The following NCKAP5 variants were observed in gnomAD, a reference collection of about 807,000 sequenced individuals.
The protein encoded by NCKAP5 is nck-associated protein 5.
Under a neutral mutation model 167.0 loss-of-function variants are expected in NCKAP5, and 92 were observed. That is an observed-to-expected ratio of 0.55 (90% CI 0.47 to 0.66). The LOEUF is 0.66. Ranked by LOEUF, NCKAP5 falls within the 30% of genes least tolerant of loss-of-function variation. The pLI, the probability that NCKAP5 is intolerant of heterozygous loss-of-function variation, is 0.00. For missense variants in NCKAP5, 2,378 were observed against 2,315.0 expected (o/e 1.03, Z -0.56); for synonymous variants, 891 against 877.4 (o/e 1.02, Z -0.27).
chr2:132,846,222 A>G (rs1222351178), intron 11 of NCKAP5, among the ~76,000 whole-genome samples: 3 of 152,220 alleles, frequency 2.0e-5, no homozygotes, highest in African/African-American at 7.2e-5. Context: ...ATCAGTAATA[A>G]GTATTTAATT....
chr2:133,385,622 G>A (rs1294356378), intron 3 of NCKAP5, among the ~76,000 whole-genome samples: 1 of 152,182 alleles, frequency 6.6e-6, no homozygotes, highest in Non-Finnish European at 1.5e-5. Context: ...AGAAGGAATG[G>A]TACCAGCCCC....
intron 6 of NCKAP5, among the ~76,000 whole-genome samples, chr2:133,112,405 C>T (rs546770014): frequency 4.6e-5 from 7 of 151,844 alleles, no homozygotes; most frequent in East Asian, 3.9e-4. Flanking sequence ...ACCCGGGAGG[C>T]GGAGCTTGCA....
chr2:133,194,056 A>G (rs2085337986), intron 5 of NCKAP5, among the ~76,000 whole-genome samples: 2 of 152,154 alleles, frequency 1.3e-5, no homozygotes, highest in Non-Finnish European at 1.5e-5. Flanking sequence ...GCATATGCGT[A>G]TACATGCATA....
chr2:133,425,453 A>G (rs1689733820), intron 3 of NCKAP5, among the ~76,000 whole-genome samples: 1 of 152,176 alleles, frequency 6.6e-6, no homozygotes, highest in Admixed American at 6.5e-5. Flanking sequence ...AAAATGAGGG[A>G]ATAAAAGATT....
intron 1 of NCKAP5, among the ~76,000 whole-genome samples, chr2:133,561,643 T>C (rs1320110842): frequency 3.3e-5 from 5 of 152,204 alleles, no homozygotes; most frequent in Non-Finnish European, 7.3e-5. Flanking sequence ...TAACTGGCTG[T>C]AATGAGAATA....
rs1687972883 is a variant in NCKAP5 at position 133,559,066 on chromosome 2, T to C, written c.-78A>G. ...ACTACTTACATGTATTGTGAGTCTA[T>C]TTTGGTACAGGCACTTGAGGTAGCT... On this transcript the variant is annotated 5_prime_UTR_variant, in exon 2 of 20. Transcript: ENST00000409261. The C allele has an allele frequency of 6.6e-6, 1 of 152,154 alleles. No individual in the cohort carries two copies. The highest frequency in any genetic ancestry group is 2.4e-5 in the African/African-American group (1 of 41,444). The allele number at this position is 152,154 out of a possible 1,614,324, so 9.4% of individuals were successfully genotyped here.
chr2:133,665,645 T>G, the NCKAP5 span, among the ~76,000 whole-genome samples: 1 of 152,224 alleles, frequency 6.6e-6, no homozygotes, highest in Non-Finnish European at 1.5e-5. Flanking sequence ...AATGATCACA[T>G]GCTGTTGGGA....
At chr2:133,284,206 GAATT>G (rs1309209228) in intron 4 of NCKAP5, among the ~76,000 whole-genome samples, 4 of 151,702 alleles carry the variant, frequency 2.6e-5, no homozygotes, top group Non-Finnish European at 1.5e-5. Context: ...AATAAACATA[GAATT>G]AATTACTAAC....
intron 3 of NCKAP5, among the ~76,000 whole-genome samples, chr2:133,418,771 A>C (rs1689282782): frequency 6.6e-6 from 1 of 151,920 alleles, no homozygotes; most frequent in Non-Finnish European, 1.5e-5. Flanking sequence ...GAACTAGAAA[A>C]CTCCATTGCC....
chr2:132,861,528 CCAAG>C (rs1372366926), intron 10 of NCKAP5, among the ~76,000 whole-genome samples: 2 of 152,164 alleles, frequency 1.3e-5, no homozygotes, highest in African/African-American at 4.8e-5. Flanking sequence ...TCTGTTCTCA[CCAAG>C]CAGAGAACAA....
intron 8 of NCKAP5, among the ~76,000 whole-genome samples, chr2:132,922,728 T>C (rs771223592): frequency 9.2e-5 from 14 of 152,178 alleles, no homozygotes; most frequent in Non-Finnish European, 2.1e-4. Flanking sequence ...CCCAGAAGTA[T>C]AGAGAAGTTG....
chr2:133,201,751 C>G (rs2085699348), intron 5 of NCKAP5, among the ~76,000 whole-genome samples: 1 of 152,112 alleles, frequency 6.6e-6, no homozygotes, highest in East Asian at 1.9e-4. Flanking sequence ...TTCATGGTGT[C>G]CTATGCTTCT....
chr2:132,688,791 C>T (rs1573872063), intron 19 of NCKAP5, among the ~76,000 whole-genome samples: 1 of 151,768 alleles, frequency 6.6e-6, no homozygotes, highest in Non-Finnish European at 1.5e-5. Flanking sequence ...TTCGAGATCA[C>T]CCTGGGCAAC....
chr2:133,363,594 G>A (rs995416202), intron 3 of NCKAP5, among the ~76,000 whole-genome samples: 2 of 152,158 alleles, frequency 1.3e-5, no homozygotes, highest in African/African-American at 4.8e-5. Context: ...ATGAAATAAT[G>A]TATGGGAAAG....
chr2:133,122,840 C>T (rs2082290351), intron 6 of NCKAP5: 1 of 152,190 alleles, frequency 6.6e-6, no homozygotes, highest in Admixed American at 6.5e-5. Flanking sequence ...GAAATTATTA[C>T]TTCACCCAAT....
chr2:132,742,989 GGGATAT>G (rs1202426629), intron 16 of NCKAP5, among the ~76,000 whole-genome samples: 1 of 151,798 alleles, frequency 6.6e-6, no homozygotes, highest in Non-Finnish European at 1.5e-5. Flanking sequence ...AACAGACCAG[GGGATAT>G]GGATATGGGT....
At chr2:133,128,362 C>T (rs1182710913) in intron 6 of NCKAP5, among the ~76,000 whole-genome samples, 1 of 152,170 alleles carries the variant, frequency 6.6e-6, no homozygotes, top group Admixed American at 6.5e-5. Context: ...GCAGATTGTC[C>T]TTCACAAGGT....
chr2:133,622,993 G>A, the NCKAP5 span, among the ~76,000 whole-genome samples: 1 of 152,072 alleles, frequency 6.6e-6, no homozygotes, highest in Admixed American at 6.6e-5. Context: ...CAGAAATAAA[G>A]CCAATTGCTT....
At chr2:133,293,317 CT>C (rs36093486) in intron 4 of NCKAP5, among the ~76,000 whole-genome samples, 1 of 152,142 alleles carries the variant, frequency 6.6e-6, no homozygotes, top group Non-Finnish European at 1.5e-5. Context: ...TACCCTGACC[CT>C]TTTTGTGTCT....
Sources: gnomAD v4.1 joint callset for allele counts (sites outside exome capture counted in the v4.1 genomes callset) on GRCh38, gnomAD v4.1.1 for gene constraint, MANE v1.5 for transcripts, NCBI Gene and HGNC (gene_info 2026-07-23, HGNC 2026-07-21) for gene names.